The following EXOC3 variants were observed in gnomAD, a reference collection of about 807,000 sequenced individuals.
The protein encoded by EXOC3 is SEC6-like 1.
EXOC3 carries 21 observed loss-of-function variants against 73.7 expected under a neutral mutation model. The ratio of observed to expected loss-of-function variants is 0.29; its 90% confidence interval spans 0.20 to 0.41. EXOC3 has a LOEUF of 0.41. Ranked by LOEUF, EXOC3 falls within the 10% of genes least tolerant of loss-of-function variation. The pLI is 1.00. For synonymous variants in EXOC3, 410 were observed against 389.1 expected (o/e 1.05, Z -0.63); for missense variants, 842 against 985.1 (o/e 0.85, Z 1.95).
At chr5:449,618 G>C (rs563614958) in intron 3 of EXOC3, among the ~76,000 whole-genome samples, 1 of 152,292 alleles carries the variant, frequency 6.6e-6, no homozygotes, top group African/African-American at 2.4e-5. Context: ...CTGTGGTATT[G>C]TAGAATTTCC....
chr5:444,404 A>G (rs899912871), intron 1 of EXOC3, among the ~76,000 whole-genome samples: 3 of 152,190 alleles, frequency 2.0e-5, no homozygotes, highest in African/African-American at 7.2e-5. Context: ...GCTTCCACCC[A>G]CAGCGTGACA....
At position 454,067 on chromosome 5, in the gene EXOC3, C is replaced by T. The variant is rs185209093; in HGVS notation, c.1046+16C>T. ...CCTACACAAGGTAAAGCTAACCTGG[C>T]GCCTGTGTTGGCTCTTAGGTAGAAG... On this transcript the variant is annotated intron_variant, in intron 4 of 12. Coordinates refer to ENST00000512944, the MANE Select transcript of EXOC3 (RefSeq NM_007277.5). The T allele has an allele frequency of 1.9e-3, 3,050 of 1,569,378 alleles. 3 individuals are homozygous for T. Among genetic ancestry groups the T allele is most frequent in the Admixed American group, 2.4e-3 (128 of 53,178 alleles).
chr5:460,456 G>C (rs951072340), intron 7 of EXOC3, among the ~76,000 whole-genome samples: 1 of 152,172 alleles, frequency 6.6e-6, no homozygotes. Flanking sequence ...TGGTGGCTTA[G>C]GTACTACAGC....
intron 3 of EXOC3, among the ~76,000 whole-genome samples, chr5:450,680 A>G (rs1015848758): frequency 6.6e-6 from 1 of 151,908 alleles, no homozygotes. Flanking sequence ...AGTTCTATCC[A>G]TTTTTGCTTC....
intron 3 of EXOC3, among the ~76,000 whole-genome samples, chr5:448,817 CCTT>C (rs1347143145): frequency 6.6e-6 from 1 of 152,190 alleles, no homozygotes; most frequent in African/African-American, 2.4e-5. Context: ...TTGTGTGTGC[CCTT>C]CTTCCAGGGC....
intron 3 of EXOC3, among the ~76,000 whole-genome samples, chr5:451,134 C>CT (rs1737649185): frequency 2.7e-5 from 4 of 147,434 alleles, no homozygotes; most frequent in African/African-American, 4.8e-5. Flanking sequence ...CTTATTTCTG[C>CT]ATTTTTTTTG....
At chr5:464,190 T>C (rs960216530) in intron 9 of EXOC3, 100 bp from the exon 10 acceptor site, 1 of 1,170,144 alleles carries the variant, frequency 8.5e-7, no homozygotes, top group East Asian at 2.6e-5. Context: ...CACGCAGCTC[T>C]CGTGGGGCGT....
At chr5:465,655 C>T (rs1738125112) in intron 11 of EXOC3, 63 bp from the exon 12 acceptor site, 2 of 1,601,972 alleles carry the variant, frequency 1.2e-6, no homozygotes, top group African/African-American at 1.3e-5. Context: ...CAGCCAGAAT[C>T]CAGCTGCTCC....
At position 446,338 on chromosome 5, in the gene EXOC3, G is replaced by A. The variant is rs1737505172; in HGVS notation, c.133G>A (p.Ala45Thr). ...AGCGCGGAAGAAGGCCTCCGTGGAGGCCAGATTGAAGGTGAGGCCACCTGC... is the reference window on the plus strand; with the variant it reads ...AGCGCGGAAGAAGGCCTCCGTGGAGACCAGATTGAAGGTGAGGCCACCTGC... ...REARKKASVE[A>T]RLKAAIQSQL... The change falls in exon 2 of 13, where the codon GCC (alanine) becomes ACC (threonine). Residue 45 changes from alanine (A) to threonine (T), a missense_variant. By Grantham distance (58) the Ala-to-Thr change is moderately conservative. Transcript: ENST00000512944. The A allele has an allele frequency of 6.2e-7, 1 of 1,605,484 alleles. No individual in the cohort carries two copies. Among genetic ancestry groups the A allele is most frequent in the Non-Finnish European group, 8.5e-7 (1 of 1,175,730 alleles).
At chr5:462,570 A>G (rs1332278107) in intron 9 of EXOC3, 1 of 473,412 alleles carries the variant, frequency 2.1e-6, no homozygotes, top group Non-Finnish European at 3.8e-6. Context: ...GGATTACAAA[A>G]TAGAAACCGA....
At chr5:455,750 C>T (rs569704788) in intron 4 of EXOC3, among the ~76,000 whole-genome samples, 4 of 152,292 alleles carry the variant, frequency 2.6e-5, no homozygotes, top group South Asian at 2.1e-4. Flanking sequence ...ACTACAGGCG[C>T]GTGCCACCAT....
In EXOC3 at chr5:466,937, G is replaced by A. The variant is rs184989425; in HGVS notation, c.*39G>A. Reference sequence around the variant, plus strand: ...GCCCTGCTCGCCCCTCCACAGCCTCGGTCCCTGCCTTTAGAAACGCGGGAC... The same window carrying A: ...GCCCTGCTCGCCCCTCCACAGCCTCAGTCCCTGCCTTTAGAAACGCGGGAC... On this transcript the variant is annotated 3_prime_UTR_variant, in exon 13 of 13. Transcript: ENST00000512944. The A allele has an allele frequency of 4.5e-4, 698 of 1,545,734 alleles. 3 individuals carry two copies. In the African/African-American group the frequency reaches 8.3e-3, roughly 18 times the overall value.
In EXOC3 at chr5:446,360, C is replaced by T; in HGVS notation, c.144+11C>T. ...GAGGCCAGATTGAAGGTGAGGCCAC[C>T]TGCCCCACTCCCAGGATCTGTCTTG... On this transcript the variant is annotated intron_variant, in intron 2 of 12. Transcript: ENST00000512944. 3 of 1,583,240 alleles carry T rather than the reference C, an allele frequency of 1.9e-6. No individual in the cohort carries two copies. Among genetic ancestry groups the T allele is most frequent in the Non-Finnish European group, 2.6e-6 (3 of 1,165,928 alleles).
At chr5:445,987 G>T (rs969993659) in intron 1 of EXOC3, among the ~76,000 whole-genome samples, 163 bp from the exon 2 acceptor site, 1 of 152,126 alleles carries the variant, frequency 6.6e-6, no homozygotes, top group Admixed American at 6.5e-5. Flanking sequence ...TGTTACGAAG[G>T]TTTGTTTATC....
intron 1 of EXOC3, among the ~76,000 whole-genome samples, chr5:444,362 C>T (rs1737440012): frequency 6.6e-6 from 1 of 152,238 alleles, no homozygotes; most frequent in Non-Finnish European, 1.5e-5. Flanking sequence ...AAGGCGAGCC[C>T]TGCTTCACAG....
At position 465,164 on chromosome 5, in the gene EXOC3, C is replaced by G; in HGVS notation, c.1830C>G (p.Val610=). The G allele has an allele frequency of 6.3e-7, 1 of 1,596,958 alleles. No individual in the cohort carries two copies. Among genetic ancestry groups the G allele is most frequent in the Non-Finnish European group, 8.5e-7 (1 of 1,172,504 alleles). Residue 610 remains valine, a synonymous_variant, in exon 11 of 13, where the codon GTC becomes GTG. Coordinates refer to ENST00000512944, the MANE Select transcript of EXOC3 (RefSeq NM_007277.5). ...TGGTGGTGGAGTACCTGCGGGCGGTCATGCAGAAGCGCATTTCCTTCCGGA... is the reference window on the plus strand; with the variant it reads ...TGGTGGTGGAGTACCTGCGGGCGGTGATGCAGAAGCGCATTTCCTTCCGGA... The part of the protein sequence containing the change: ...RRVVVEYLRA[V]MQKRISFRSP...
chr5:465,056 T>G, intron 10 of EXOC3, 55 bp from the exon 11 acceptor site: 1 of 1,475,744 alleles, frequency 6.8e-7, no homozygotes, highest in Admixed American at 2.3e-5. Flanking sequence ...TCAATGAGGG[T>G]GCTCCTGGCC....
At chr5:446,473 T>C (rs762892272) in intron 2 of EXOC3, 124 bp downstream of exon 2, 31 of 877,716 alleles carry the variant, frequency 3.5e-5, no homozygotes, top group Middle Eastern at 3.5e-4. Context: ...CTGGACTTTC[T>C]TGAGCAGTTA....
At chr5:456,857 G>A (rs1375681983) in intron 4 of EXOC3, 32 bp from the exon 5 acceptor site, 1 of 1,531,134 alleles carries the variant, frequency 6.5e-7, no homozygotes, top group Admixed American at 1.7e-5. Context: ...GTCTGTCGTG[G>A]TTTGTCACTC....
Sources: allele counts gnomAD v4.1 joint callset (sites outside exome capture counted in the v4.1 genomes callset), GRCh38; gene constraint gnomAD v4.1.1; transcripts MANE v1.5; gene names NCBI Gene and HGNC (gene_info 2026-07-23, HGNC 2026-07-21).